Variants in MAN1A1 observed in about 807,000 individuals in gnomAD.
MAN1A1 encodes mannosidase alpha class 1A member 1, also known as mannosyl-oligosaccharide 1,2-alpha-mannosidase IA.
Under a neutral mutation model 70.8 loss-of-function variants are expected in MAN1A1, and 29 were observed. The ratio of observed to expected loss-of-function variants is 0.41; its 90% CI spans 0.31 to 0.56. The LOEUF is 0.56. Among genes scored for constraint, MAN1A1 ranks in the 20% least tolerant of loss-of-function variants. The pLI, the probability that MAN1A1 is intolerant of heterozygous loss-of-function variation, is 0.29. For synonymous variants in MAN1A1, 349 were observed against 330.1 expected, an observed-to-expected ratio of 1.06 and a Z score of -0.62; for missense variants, 747 against 841.3, an observed-to-expected ratio of 0.89 and a Z score of 1.39.
At chr6:119,196,944 G>A (rs898498392) in intron 8 of MAN1A1, among the ~76,000 whole-genome samples, 34 of 152,164 alleles carry the variant, frequency 2.2e-4, no homozygotes, top group Admixed American at 1.8e-3. Context: ...GACCAGGACC[G>A]GATACTGCCT....
intron 6 of MAN1A1, 116 bp downstream of exon 6, chr6:119,248,144 T>A: frequency 1.5e-6 from 1 of 664,284 alleles, no homozygotes. Flanking sequence ...AGACTCCCAG[T>A]GGAGTCTGTT....
intron 8 of MAN1A1, among the ~76,000 whole-genome samples, chr6:119,198,476 T>C (rs1247491057): frequency 1.3e-5 from 2 of 152,208 alleles, no homozygotes; most frequent in African/African-American, 4.8e-5. Flanking sequence ...CACCCTTTTG[T>C]AATCTTCAAA....
intron 2 of MAN1A1, among the ~76,000 whole-genome samples, chr6:119,329,252 A>G (rs1582809177): frequency 1.3e-5 from 2 of 152,236 alleles, no homozygotes; most frequent in South Asian, 4.1e-4. Flanking sequence ...CTTATTGGCT[A>G]TGTAAACTTG....
chr6:119,321,683 T>A (rs1282046165), intron 2 of MAN1A1, among the ~76,000 whole-genome samples: 1 of 147,736 alleles, frequency 6.8e-6, no homozygotes, highest in Non-Finnish European at 1.5e-5. Flanking sequence ...AGTGGCACAA[T>A]CTCAGCTCAC....
chr6:119,308,404 G>C (rs534066552), intron 2 of MAN1A1, among the ~76,000 whole-genome samples: 1 of 151,982 alleles, frequency 6.6e-6, no homozygotes, highest in East Asian at 1.9e-4. Flanking sequence ...CATTAATTTT[G>C]TTGAGAAGTA....
At chr6:119,287,622 T>C (rs1373584078) in intron 5 of MAN1A1, among the ~76,000 whole-genome samples, 1 of 152,024 alleles carries the variant, frequency 6.6e-6, no homozygotes, top group Non-Finnish European at 1.5e-5. Context: ...ATTCACTTCT[T>C]TTTTTGTGCA....
intron 11 of MAN1A1, among the ~76,000 whole-genome samples, chr6:119,187,456 CTGT>C (rs1234034671): frequency 2.0e-5 from 3 of 152,142 alleles, no homozygotes; most frequent in Non-Finnish European, 4.4e-5. Flanking sequence ...TAGAGAATTG[CTGT>C]TATTTAAAAT....
At chr6:119,347,544 C>A (rs976867825) in intron 2 of MAN1A1, among the ~76,000 whole-genome samples, 4 of 152,162 alleles carry the variant, frequency 2.6e-5, no homozygotes, top group Non-Finnish European at 5.9e-5. Flanking sequence ...AGAGAGGAGG[C>A]ATGTCCACAG....
intron 8 of MAN1A1, among the ~76,000 whole-genome samples, chr6:119,199,892 T>TA (rs1216690434): frequency 1.3e-5 from 2 of 151,650 alleles, no homozygotes; most frequent in Middle Eastern, 3.4e-3. Flanking sequence ...TATGACACTG[T>TA]ACTCCAGCCT....
At chr6:119,191,928 A>G (rs946665006) in intron 9 of MAN1A1, among the ~76,000 whole-genome samples, 1 of 152,194 alleles carries the variant, frequency 6.6e-6, no homozygotes, top group African/African-American at 2.4e-5. Context: ...AGACAATGCT[A>G]CTTCTCAAAA....
In MAN1A1 at chr6:119,275,557, C is replaced by T. The variant is rs536527601; in HGVS notation, c.897+15126G>A. ...TCCTGACCTCGTGATCCGCCCGCCT[C>T]GGCCTCCCAAAGTGCTGGGATTACA... On this transcript the variant is annotated intron_variant, in intron 5 of 12. Coordinates refer to ENST00000368468, the MANE Select transcript of MAN1A1 (RefSeq NM_005907.4). Among the ~76,000 whole-genome samples, 47 of 143,806 alleles carry T rather than the reference C, an allele frequency of 3.3e-4. 2 individuals are homozygous for T. The highest frequency in any genetic ancestry group is 2.3e-3 in the East Asian group (12 of 5,130). The allele number at this position is 143,806 out of a possible 152,430, so 94.3% of individuals were successfully genotyped here.
chr6:119,302,073 G>A lies in MAN1A1; in HGVS notation c.731C>T (p.Ala244Val). The A allele has an allele frequency of 6.2e-7, 1 of 1,606,214 alleles. No individual in the cohort carries two copies. Among genetic ancestry groups the A allele is most frequent in the Non-Finnish European group, 8.5e-7 (1 of 1,173,694 alleles). ...GNIKGATIVD[A>V]LDTLFIMEMK... ...TTCCATAATAAAAAGTGTATCCAGG[G>A]CATCTACTATAGTTGCTCCTTTGAT... Residue 244 changes from alanine (A) to valine (V), a missense_variant, in exon 4 of 13, where the codon GCC becomes GTC. This residue lies in a region of MAN1A1 where 419 missense variants were observed against 548.2 expected (regional missense o/e 0.76). Transcript: ENST00000368468.
chr6:119,294,353 A>C (rs1219991553), intron 4 of MAN1A1, among the ~76,000 whole-genome samples: 1 of 152,062 alleles, frequency 6.6e-6, no homozygotes, highest in Non-Finnish European at 1.5e-5. Context: ...CTACCGACTT[A>C]CCCTAATGAC....
intron 2 of MAN1A1, among the ~76,000 whole-genome samples, chr6:119,342,819 T>C (rs541347856): frequency 6.6e-6 from 1 of 152,352 alleles, no homozygotes; most frequent in South Asian, 2.1e-4. Flanking sequence ...CACACATTTA[T>C]AATTTTAAAG....
intron 3 of MAN1A1, among the ~76,000 whole-genome samples, chr6:119,306,486 A>T (rs1772528315): frequency 6.6e-6 from 1 of 152,210 alleles, no homozygotes; most frequent in South Asian, 2.1e-4. Flanking sequence ...TACAGTGAAG[A>T]TCACCATGGC....
intron 2 of MAN1A1, among the ~76,000 whole-genome samples, chr6:119,321,112 G>C (rs1352001899): frequency 1.3e-5 from 2 of 152,070 alleles, no homozygotes; most frequent in Admixed American, 6.6e-5. Flanking sequence ...ATATGTATAC[G>C]TGAAAGAATA....
chr6:119,248,216 A>T (rs1327661038), intron 6 of MAN1A1, 44 bp downstream of exon 6: 2 of 1,302,250 alleles, frequency 1.5e-6, no homozygotes, highest in Admixed American at 3.4e-5. Context: ...AACAATCTGG[A>T]ATATTTCACC....
intron 6 of MAN1A1, among the ~76,000 whole-genome samples, chr6:119,221,830 A>G (rs1050327527): frequency 2.0e-5 from 3 of 152,176 alleles, no homozygotes; most frequent in Non-Finnish European, 4.4e-5. Context: ...AGAGTGAGAT[A>G]AACACTTAAA....
chr6:119,219,870 G>A (rs1774310535), intron 6 of MAN1A1, among the ~76,000 whole-genome samples: 1 of 151,528 alleles, frequency 6.6e-6, no homozygotes, highest in African/African-American at 2.4e-5. Flanking sequence ...GTAAGAGACA[G>A]CCACAGACAT....
Sources: gnomAD v4.1 joint callset for allele counts (sites outside exome capture counted in the v4.1 genomes callset) on GRCh38, gnomAD v4.1.1 for gene constraint, gnomAD v4.1.1 regional missense constraint, MANE v1.5 for transcripts, NCBI Gene and HGNC (gene_info 2026-07-23, HGNC 2026-07-21) for gene names.